Variants in SLC25A18 observed in about 807,000 individuals in gnomAD.
SLC25A18 encodes the protein solute carrier family 25 member 18, also known as mitochondrial glutamate carrier 2.
A neutral mutation model predicts 31.1 loss-of-function variants in SLC25A18; 24 were observed. The observed-to-expected ratio is 0.77, with a 90% confidence interval of 0.56 to 1.08. SLC25A18 has a LOEUF of 1.08. SLC25A18 is among the 50% of genes least tolerant of loss of function. The probability of loss-of-function intolerance (pLI) is 0.00; values close to 1 mark genes in which losing one functional copy is unlikely to be tolerated. For synonymous variants in SLC25A18, 173 were observed against 161.9 expected (o/e 1.07, Z -0.52); for missense variants, 371 against 418.5 (o/e 0.89, Z 0.99).
chr22:17,585,823 T>C (rs1414383644), intron 7 of SLC25A18, among the ~76,000 whole-genome samples: 2 of 151,780 alleles, frequency 1.3e-5, no homozygotes, highest in Non-Finnish European at 2.9e-5. Flanking sequence ...TAATTTTTTT[T>C]TGTATTTTTA....
intron 1 of SLC25A18, among the ~76,000 whole-genome samples, chr22:17,565,114 C>G (rs1041123524): frequency 6.6e-6 from 1 of 151,992 alleles, no homozygotes; most frequent in Non-Finnish European, 1.5e-5. Flanking sequence ...CAGTCTTGCT[C>G]TGTCACCCAG....
intron 7 of SLC25A18, among the ~76,000 whole-genome samples, chr22:17,584,600 T>C (rs1187643922): frequency 6.7e-6 from 1 of 150,348 alleles, no homozygotes; most frequent in African/African-American, 2.5e-5. Context: ...GCCAACACAG[T>C]GAAACCCCGT....
intron 8 of SLC25A18, 81 bp from the exon 9 acceptor site, chr22:17,587,844 C>T: frequency 6.4e-7 from 1 of 1,568,662 alleles, no homozygotes; most frequent in Non-Finnish European, 8.7e-7. Context: ...CCCCACAGCT[C>T]ACAGCAAAGC....
chr22:17,572,502 A>G (rs77829105), intron 2 of SLC25A18, among the ~76,000 whole-genome samples: 54,699 of 146,786 alleles, frequency 0.37, 10,440 homozygotes, highest in African/African-American at 0.43. Context: ...AAAAAAAAGA[A>G]TCACTTTTCC....
At chr22:17,587,863 T>A in intron 8 of SLC25A18, 62 bp from the exon 9 acceptor site, 1 of 1,605,698 alleles carries the variant, frequency 6.2e-7, no homozygotes, top group South Asian at 1.1e-5. Context: ...GCTCATTGTC[T>A]CACCTTGGGT....
In SLC25A18 at chr22:17,589,630, C is replaced by T. The variant is rs910229633; in HGVS notation, c.771C>T (p.Gly257=). ...TCCAAACCCTCAAGAAAGGCCTGGG[C>T]GAGGACATGTACAGTGGGATCACCG... The part of the protein sequence containing the change: ...TRIQTLKKGL[G]EDMYSGITDC... The change falls in exon 10 of 11, where the codon GGC becomes GGT. Residue 257 remains glycine (G), a synonymous_variant. Transcript: ENST00000327451. 6 of 1,614,044 alleles carry T rather than the reference C, an allele frequency of 3.7e-6. No homozygotes were observed. The highest frequency in any genetic ancestry group is 3.3e-5 in the Admixed American group (2 of 60,008).
intron 1 of SLC25A18, 192 bp from the exon 2 acceptor site, chr22:17,569,732 G>C: frequency 4.1e-6 from 4 of 985,410 alleles, no homozygotes; most frequent in Non-Finnish European, 4.8e-6. Context: ...ACCTGGGGAG[G>C]TGCAGCGTGG....
intron 7 of SLC25A18, 109 bp from the exon 8 acceptor site, chr22:17,587,027 C>T: frequency 8.0e-7 from 1 of 1,250,524 alleles, no homozygotes; most frequent in Non-Finnish European, 1.1e-6. Flanking sequence ...GCTGAGGTGT[C>T]AGCCTGGCCT....
Position 17,563,667 on chromosome 22 carries a change from C to T in SLC25A18, c.-310C>T. ...TCGAGTGAAGCCTGGCCCGTGAGTGCCTCAACAACTGAGATGAACGTCGAC... is the reference window on the plus strand; with the variant it reads ...TCGAGTGAAGCCTGGCCCGTGAGTGTCTCAACAACTGAGATGAACGTCGAC... On this transcript the variant is annotated 5_prime_UTR_variant, in exon 1 of 11. Transcript: ENST00000327451. 1 of 985,322 alleles carries T rather than the reference C, an allele frequency of 1.0e-6. No individual in the cohort carries two copies. The highest frequency in any genetic ancestry group is 1.2e-6 in the Non-Finnish European group (1 of 829,916). 61.0% of individuals were successfully genotyped at this position (985,322 alleles called of 1,614,324 possible).
chr22:17,582,378 A>G, intron 5 of SLC25A18, 185 bp from the exon 6 acceptor site: 1 of 480,898 alleles, frequency 2.1e-6, no homozygotes, highest in Non-Finnish European at 3.7e-6. Context: ...TCCATCTAAA[A>G]AAAAAGGAGA....
intron 3 of SLC25A18, 83 bp downstream of exon 3, chr22:17,580,047 G>C: frequency 2.1e-6 from 3 of 1,408,532 alleles, no homozygotes; most frequent in Middle Eastern, 1.8e-4. Flanking sequence ...CCAGGTTTCT[G>C]AAGAACAAGC....
chr22:17,587,067 G>C (rs567009332), intron 7 of SLC25A18, 69 bp from the exon 8 acceptor site: 16 of 1,553,652 alleles, frequency 1.0e-5, no homozygotes, highest in Non-Finnish European at 1.3e-5. Context: ...GGGATTGAGA[G>C]CCACACTCAG....
At chr22:17,568,686 C>T (rs440661) in intron 1 of SLC25A18, among the ~76,000 whole-genome samples, 4 of 148,500 alleles carry the variant, frequency 2.7e-5, no homozygotes, top group Non-Finnish European at 5.9e-5. Flanking sequence ...CTCAGCCTCC[C>T]GAGTAGCTGG....
chr22:17,574,830 T>TTTTTTATTATTATTATTATTA lies in SLC25A18; in HGVS notation c.-201+4846_-201+4847insTTTATTATTATTATTATTATT, dbSNP rs1555947157. 3.2e-3 allele frequency among the ~76,000 whole-genome samples: 442 copies of TTTTTTATTATTATTATTATTA among 137,856 alleles called. 18 individuals are homozygous for TTTTTTATTATTATTATTATTA. Among genetic ancestry groups the TTTTTTATTATTATTATTATTA allele is most frequent in the African/African-American group, 0.012 (419 of 34,900 alleles). 90.4% of individuals were successfully genotyped at this position (137,856 alleles called of 152,430 possible). On this transcript the variant is annotated intron_variant, in intron 2 of 10. Transcript: ENST00000327451. ...GCCACTGTGCCTGGCCAATGTTCCC[T>TTTTTTATTATTATTATTATTA]TTATTATTATTATTATTATTATTTA...
At chr22:17,582,725 C>G (rs1335389179) in intron 6 of SLC25A18, 72 bp downstream of exon 6, 1 of 1,355,582 alleles carries the variant, frequency 7.4e-7, no homozygotes, top group African/African-American at 1.4e-5. Context: ...AAGAAGATTT[C>G]AAATGTGCCT....
At chr22:17,578,326 A>T (rs1354790401) in intron 2 of SLC25A18, among the ~76,000 whole-genome samples, 1 of 152,216 alleles carries the variant, frequency 6.6e-6, no homozygotes, top group East Asian at 1.9e-4. Flanking sequence ...ATGTCACCAG[A>T]CCTGGAGCAG....
At chr22:17,577,989 T>TC (rs1281500950) in intron 2 of SLC25A18, among the ~76,000 whole-genome samples, 8 of 151,006 alleles carry the variant, frequency 5.3e-5, no homozygotes, top group Non-Finnish European at 7.4e-5. Flanking sequence ...TTTTTTTTTT[T>TC]TTCTTCTTTG....
rs768106800 is a variant in SLC25A18, at chr22:17,583,464, G to A, written c.339G>A (p.Gly113=). 2.5e-6 allele frequency: 4 copies of A among 1,614,026 alleles called. No homozygotes were observed. The highest frequency in any genetic ancestry group is 1.3e-5 in the African/African-American group (1 of 74,928). ...KMEMLAGCGA[G]MCQVVVTCPM... is the part of the protein sequence containing the mutation. Reference sequence around the variant, plus strand: ...AGATGCTTGCCGGGTGTGGGGCTGGGATGTGCCAGGTCGTGGTGACCTGTC... The same window carrying A: ...AGATGCTTGCCGGGTGTGGGGCTGGAATGTGCCAGGTCGTGGTGACCTGTC... Residue 113 remains glycine (G), a synonymous_variant, in exon 7 of 11, where the codon GGG becomes GGA. Transcript: ENST00000327451.
chr22:17,576,391 C>G (rs1413657846), intron 2 of SLC25A18, among the ~76,000 whole-genome samples: 4 of 152,064 alleles, frequency 2.6e-5, no homozygotes, highest in Non-Finnish European at 4.4e-5. Flanking sequence ...CTATTCCCAT[C>G]AGTGCCGGAA....
Sources: gnomAD v4.1 joint callset for allele counts (sites outside exome capture counted in the v4.1 genomes callset) on GRCh38, gnomAD v4.1.1 for gene constraint, MANE v1.5 for transcripts, NCBI Gene and HGNC (gene_info 2026-07-23, HGNC 2026-07-21) for gene names.